The following UFD1 variants were observed in gnomAD, a reference collection of about 807,000 sequenced individuals.
UFD1 encodes the protein ubiquitin recognition factor in ER associated degradation 1.
A neutral mutation model predicts 45.9 loss-of-function variants in UFD1; 13 were observed. The observed-to-expected ratio is 0.28, with a 90% CI of 0.18 to 0.45. The LOEUF (loss-of-function observed/expected upper bound fraction) is 0.45. Among genes scored for constraint, UFD1 ranks in the 20% least tolerant of loss-of-function variants. UFD1 has a pLI of 1.00. For synonymous variants in UFD1, 128 were observed against 139.2 expected, an observed-to-expected ratio of 0.92 and a Z score of 0.56; for missense variants, 218 against 389.2, an observed-to-expected ratio of 0.56 and a Z score of 3.70.
chr22:19,454,736 G>A lies in UFD1; in HGVS notation c.849+13C>T. 2 of 1,613,846 alleles carry A rather than the reference G, an allele frequency of 1.2e-6. No individual in the cohort carries two copies. The highest frequency in any genetic ancestry group is 8.5e-7 in the Non-Finnish European group (1 of 1,179,882). On this transcript the variant is annotated intron_variant, in intron 11 of 11. Coordinates refer to ENST00000263202, the MANE Select transcript of UFD1 (RefSeq NM_005659.7). ...TCATTACCAACCAAGGAAATACAAG[G>A]AAATACACTCACCTCTTCAACCTTT...
At chr22:19,475,158 G>A in intron 2 of UFD1, 58 bp from the exon 3 acceptor site, 2 of 1,530,712 alleles carry the variant, frequency 1.3e-6, no homozygotes, top group Non-Finnish European at 1.8e-6. Flanking sequence ...ACAGACCAAA[G>A]GCAAGATGCA....
chr22:19,469,204 T>G (rs1481169714), intron 4 of UFD1, among the ~76,000 whole-genome samples: 3 of 152,176 alleles, frequency 2.0e-5, no homozygotes, highest in Non-Finnish European at 4.4e-5. Context: ...AGTGATGTTC[T>G]AACAGGAAGT....
In UFD1 at chr22:19,479,063, C is replaced by A; in HGVS notation, c.3+20G>T. 1 of 1,610,744 alleles carries A rather than the reference C, an allele frequency of 6.2e-7. No individual in the cohort carries two copies. Among genetic ancestry groups the A allele is most frequent in the Non-Finnish European group, 8.5e-7 (1 of 1,179,044 alleles). On this transcript the variant is annotated intron_variant, in intron 1 of 11. Transcript: ENST00000263202. The stretch of plus-strand genomic sequence containing the variant: ...CCCGGGCCAAGGCCCAGCCCCCGCC[C>A]GCTGCCCGTCAGCGCTTACCATGAT...
intron 6 of UFD1, among the ~76,000 whole-genome samples, chr22:19,462,259 C>T (rs1310519841): frequency 6.6e-6 from 1 of 152,200 alleles, no homozygotes; most frequent in Non-Finnish European, 1.5e-5. Flanking sequence ...CTCAGCCTCC[C>T]AAATTGCTGG....
At chr22:19,454,053 C>T (rs1424235082) in intron 11 of UFD1, 1 of 985,664 alleles carries the variant, frequency 1.0e-6, no homozygotes, top group African/African-American at 1.7e-5. Context: ...CCCGCCACCA[C>T]CCTGCTCAGC....
intron 1 of UFD1, 85 bp downstream of exon 1, chr22:19,478,998 C>A: frequency 6.7e-7 from 1 of 1,503,472 alleles, no homozygotes; most frequent in South Asian, 1.2e-5. Flanking sequence ...CCTCCGCCGC[C>A]GTCCCGCCCC....
intron 6 of UFD1, among the ~76,000 whole-genome samples, chr22:19,463,027 G>A (rs374778462): frequency 6.6e-6 from 1 of 152,324 alleles, no homozygotes; most frequent in African/African-American, 2.4e-5. Flanking sequence ...TGAAGGTACT[G>A]TGTTTTCTCC....
At chr22:19,471,467 C>T in intron 4 of UFD1, 4 of 774,892 alleles carry the variant, frequency 5.2e-6, no homozygotes, top group Non-Finnish European at 9.2e-6. Flanking sequence ...AAAGGCCACT[C>T]CCACAGCACA....
chr22:19,451,872 C>T (rs2089685602), intron 11 of UFD1: 2 of 985,350 alleles, frequency 2.0e-6, no homozygotes, highest in Non-Finnish European at 2.4e-6. Context: ...CTTCGCCCTG[C>T]CGTACCTGGA....
chr22:19,476,507 G>C (rs1191413092), intron 1 of UFD1, among the ~76,000 whole-genome samples: 1 of 151,900 alleles, frequency 6.6e-6, no homozygotes. Flanking sequence ...TTAAACTGTA[G>C]ACTAAGATGA....
intron 6 of UFD1, among the ~76,000 whole-genome samples, chr22:19,460,620 G>T (rs2089759037): frequency 6.6e-6 from 1 of 151,882 alleles, no homozygotes; most frequent in Non-Finnish European, 1.5e-5. Flanking sequence ...ACACACACCA[G>T]ACGCCCAGAG....
chr22:19,476,996 G>C (rs1449603981), intron 1 of UFD1, among the ~76,000 whole-genome samples: 1 of 95,772 alleles, frequency 1.0e-5, no homozygotes, highest in Non-Finnish European at 1.8e-5. Context: ...AACAGAGCAA[G>C]ACTCCATCTC....
At chr22:19,455,918 G>T in intron 9 of UFD1, 150 bp from the exon 10 acceptor site, 1 of 720,992 alleles carries the variant, frequency 1.4e-6, no homozygotes. Context: ...TGGGGTGCTG[G>T]CAGCTAAGAA....
Position 19,455,881 on chromosome 22 carries a change from G to A in UFD1, c.679-113C>T, listed in dbSNP as rs1408693761. ...TGGGGGTGCTGTGCAGACCCCTTCA[G>A]GACTGAAGCCCTGACTCCTCAACTG... On this transcript the variant is annotated intron_variant, in intron 9 of 11. Coordinates refer to ENST00000263202, the MANE Select transcript of UFD1 (RefSeq NM_005659.7). The A allele has an allele frequency of 5.3e-6, 5 of 941,702 alleles. No individual in the cohort carries two copies. In the African/African-American group the frequency reaches 6.6e-5, roughly 12 times the overall value. The allele number at this position is 941,702 out of a possible 1,614,324, so 58.3% of individuals were successfully genotyped here. A position where few individuals can be genotyped will look rare whatever the true frequency, so the allele number is the denominator to read the frequency against.
At chr22:19,462,078 C>A (rs1194956299) in intron 6 of UFD1, among the ~76,000 whole-genome samples, 3 of 152,150 alleles carry the variant, frequency 2.0e-5, no homozygotes, top group Non-Finnish European at 4.4e-5. Context: ...CTGTTCACTG[C>A]AACTTCTGCC....
chr22:19,471,967 A>C (rs577055230), intron 3 of UFD1, among the ~76,000 whole-genome samples, 159 bp from the exon 4 acceptor site: 1 of 152,308 alleles, frequency 6.6e-6, no homozygotes, highest in African/African-American at 2.4e-5. Context: ...GCACGGCTCA[A>C]GGAGGAACCT....
intron 6 of UFD1, among the ~76,000 whole-genome samples, chr22:19,460,546 A>G (rs1011307941): frequency 6.6e-6 from 1 of 152,078 alleles, no homozygotes; most frequent in Admixed American, 6.5e-5. Context: ...GGGAAGACCT[A>G]GTTTTTAAAA....
At chr22:19,459,906 T>C (rs1384586843) in intron 6 of UFD1, among the ~76,000 whole-genome samples, 1 of 151,870 alleles carries the variant, frequency 6.6e-6, no homozygotes, top group Non-Finnish European at 1.5e-5. Flanking sequence ...ACCCAGCTAA[T>C]TTTTGTGTTT....
chr22:19,465,712 TA>T (rs2089797131), intron 5 of UFD1: 1 of 157,366 alleles, frequency 6.4e-6, no homozygotes, highest in Admixed American at 6.2e-5. Flanking sequence ...GTGTGCATTT[TA>T]TTGTATACAA....
Sources: gnomAD v4.1 joint callset for allele counts (sites outside exome capture counted in the v4.1 genomes callset) on GRCh38, gnomAD v4.1.1 for gene constraint, MANE v1.5 for transcripts, NCBI Gene and HGNC (gene_info 2026-07-23, HGNC 2026-07-21) for gene names.